The following RPS6KA1 variants were observed in gnomAD, a reference collection of about 807,000 sequenced individuals.
The protein encoded by RPS6KA1 is ribosomal protein S6 kinase A1.
A neutral mutation model predicts 91.3 loss-of-function variants in RPS6KA1; 48 were observed. The observed-to-expected ratio is 0.53, with a 90% CI of 0.42 to 0.67. The LOEUF (loss-of-function observed/expected upper bound fraction) is 0.67, where lower values mean the gene tolerates loss of function less well. RPS6KA1 is among the 30% of genes least tolerant of loss of function. The pLI, the probability that RPS6KA1 is intolerant of heterozygous loss-of-function variation, is 0.00. For synonymous variants in RPS6KA1, 359 were observed against 384.7 expected, an observed-to-expected ratio of 0.93 and a Z score of 0.78; for missense variants, 719 against 960.5, an observed-to-expected ratio of 0.75 and a Z score of 3.32.
chr1:26,566,441 C>T (rs2124665221), intron 17 of RPS6KA1, among the ~76,000 whole-genome samples: 1 of 151,996 alleles, frequency 6.6e-6, no homozygotes, highest in South Asian at 2.1e-4. Flanking sequence ...GTACCCACCA[C>T]ACCCAGCTAA....
In RPS6KA1 at chr1:26,551,856, C is replaced by T; in HGVS notation, c.468+133C>T. ...AACCACCCAGGCCTGCCTAGCAGCC[C>T]CTGGCCCAGGAAATACCACGCACCC... On this transcript the variant is annotated intron_variant, in intron 6 of 21. Coordinates refer to ENST00000374168, the MANE Select transcript of RPS6KA1 (RefSeq NM_002953.4). This position sits in a 1 kb window ranked among gnomAD's most constrained non-coding sequence, Gnocchi z 4.5. The T allele has an allele frequency of 2.6e-6, 2 of 756,320 alleles. No homozygotes were observed. The highest frequency in any genetic ancestry group is 4.5e-6 in the Non-Finnish European group (2 of 440,894). The allele number at this position is 756,320 out of a possible 1,614,324, so 46.9% of individuals were successfully genotyped here.
chr1:26,536,400 G>A (rs574788293), intron 1 of RPS6KA1, among the ~76,000 whole-genome samples: 1 of 152,182 alleles, frequency 6.6e-6, no homozygotes, highest in Non-Finnish European at 1.5e-5. Flanking sequence ...TCAGGGGAGG[G>A]GTCCCAGAGT....
Position 26,561,173 on chromosome 1 carries a change from A to G in RPS6KA1, c.1431+39A>G, listed in dbSNP as rs1353838550. 1.3e-6 allele frequency: 2 copies of G among 1,536,430 alleles called. No individual in the cohort carries two copies. The highest frequency in any genetic ancestry group is 1.7e-5 in the Admixed American group (1 of 59,690). On this transcript the variant is annotated intron_variant, in intron 16 of 21. Transcript: ENST00000374168. The surrounding 1 kb of genome is among the most constrained non-coding windows in gnomAD (Gnocchi z 5.7). Reference sequence around the variant, plus strand: ...CTTAAGACTGGGGTGGGGACCAGGAACTCAACTCTCAGGATTTGTCTCAGG... The same window carrying G: ...CTTAAGACTGGGGTGGGGACCAGGAGCTCAACTCTCAGGATTTGTCTCAGG...
rs1557517303 is a variant in RPS6KA1 at position 26,571,603 on chromosome 1, CG to C, written c.1746del (p.Pro583LeufsTer4). On this transcript the variant is annotated frameshift_variant, in exon 18 of 22. Coordinates refer to ENST00000374168, the MANE Select transcript of RPS6KA1 (RefSeq NM_002953.4). LOFTEE classifies it high-confidence loss of function. The surrounding 1 kb of genome is among the most constrained non-coding windows in gnomAD (Gnocchi z 5.1). ...MTPCYTANFV[A>X]PEVLKRQGYD... is the part of the protein sequence containing the mutation. ...CCTTGCTACACAGCCAACTTTGTGG[CG>C]CCTGAGGTGAGTGGCCCAGCCTCCT... 6.2e-6 allele frequency: 10 copies of C among 1,613,938 alleles called. No homozygotes were observed. The highest frequency in any genetic ancestry group is 8.5e-6 in the Non-Finnish European group (10 of 1,179,938).
chr1:26,566,813 T>G (rs183268991), intron 17 of RPS6KA1, among the ~76,000 whole-genome samples: 61 of 152,266 alleles, frequency 4.0e-4, no homozygotes, highest in Admixed American at 1.7e-3. Context: ...TTCTATAAGG[T>G]TATGGACTCT....
rs574836970 is a variant in RPS6KA1 at position 26,536,927 on chromosome 1, T to C, written c.66T>C (p.Asn22=). ...LMELVPLDPE[N]GQTSGEEAGL... ...CCAATCTCCTTTCTCTTTTCCAGAA[T>C]GGACAGACCTCAGGGGAAGAAGCTG... The change falls in exon 2 of 22, where the codon AAT becomes AAC. Residue 22 remains asparagine, a splice_region_variant and synonymous_variant. Transcript: ENST00000374168. 29 of 1,614,116 alleles carry C rather than the reference T, an allele frequency of 1.8e-5. No individual in the cohort carries two copies. The East Asian group carries it at 2.7e-4, about 15-fold the overall frequency.
chr1:26,545,972 G>T, intron 2 of RPS6KA1: 1 of 1,607,616 alleles, frequency 6.2e-7, no homozygotes. Flanking sequence ...GGAAGCAGCG[G>T]CCCAGGATCA....
In RPS6KA1 at chr1:26,558,643, T is replaced by C. The variant is rs775282867; in HGVS notation, c.1085-164T>C. 6.6e-6 allele frequency among the ~76,000 whole-genome samples: 1 copy of C among 152,198 alleles called. No homozygotes were observed. The highest frequency in any genetic ancestry group is 6.5e-5 in the Admixed American group (1 of 15,280). ...ACTGGGCTGGTCTAATAAACACATA[T>C]GAGCAGTTGGGCCAAGGCCTGTGAT... On this transcript the variant is annotated intron_variant, in intron 13 of 21. Transcript: ENST00000374168. This position sits in a 1 kb window ranked among gnomAD's most constrained non-coding sequence, Gnocchi z 4.0.
rs1043637661 is a variant in RPS6KA1 at position 26,554,870 on chromosome 1, A to G, written c.756+132A>G. The G allele has an allele frequency of 1.3e-5, 16 of 1,232,092 alleles. No individual in the cohort carries two copies. The highest frequency in any genetic ancestry group is 7.6e-5 in the African/African-American group (5 of 66,002). 76.3% of individuals were successfully genotyped at this position (1,232,092 alleles called of 1,614,324 possible). On this transcript the variant is annotated intron_variant, in intron 9 of 21. Transcript: ENST00000374168. This position sits in a 1 kb window ranked among gnomAD's most constrained non-coding sequence, Gnocchi z 4.6. ...CTCACAGCCAAGCTGGCCTCACCCT[A>G]TATGCACCTGCAGTTTTCTTCCTTG... is the stretch of plus-strand genomic sequence containing the variant.
At position 26,564,504 on chromosome 1, in the gene RPS6KA1, C is replaced by T. The variant is rs907359906; in HGVS notation, c.1590+2841C>T. The stretch of plus-strand genomic sequence containing the variant: ...CGATCACCTGACCTTGTGATCTGCC[C>T]GCCTCGGCCTCCCAAAGAGCTGAGA... On this transcript the variant is annotated intron_variant, in intron 17 of 21. Transcript: ENST00000374168. Among the ~76,000 whole-genome samples the T allele has an allele frequency of 7.2e-5, 11 of 152,246 alleles. No homozygotes were observed. In the East Asian group the frequency reaches 9.6e-4, roughly 13 times the overall value.
At chr1:26,533,617 A>G (rs1168322582) in intron 1 of RPS6KA1, among the ~76,000 whole-genome samples, 2 of 152,186 alleles carry the variant, frequency 1.3e-5, no homozygotes, top group African/African-American at 2.4e-5. Context: ...AGGCAGAAGA[A>G]TTGCTTGAAC....
At chr1:26,531,064 C>T (rs923003199) in intron 1 of RPS6KA1, among the ~76,000 whole-genome samples, 2 of 152,108 alleles carry the variant, frequency 1.3e-5, no homozygotes, top group Non-Finnish European at 2.9e-5. Context: ...CACCAAGTGT[C>T]CTGCCTCTCA....
rs754520084 is a variant in RPS6KA1, at chr1:26,571,633, C to G, written c.1752+23C>G. On this transcript the variant is annotated intron_variant, in intron 18 of 21. Coordinates refer to ENST00000374168, the MANE Select transcript of RPS6KA1 (RefSeq NM_002953.4). This position sits in a 1 kb window ranked among gnomAD's most constrained non-coding sequence, Gnocchi z 5.1. ...GAGGTGAGTGGCCCAGCCTCCTCAG[C>G]TGTAAGAGTGAGGGGGAATTGGAGG... 2 of 1,611,210 alleles carry G rather than the reference C, an allele frequency of 1.2e-6. No individual in the cohort carries two copies. Among genetic ancestry groups the G allele is most frequent in the African/African-American group, 2.7e-5 (2 of 74,856 alleles).
chr1:26,536,840 C>G, intron 1 of RPS6KA1, 85 bp from the exon 2 acceptor site: 1 of 1,518,782 alleles, frequency 6.6e-7, no homozygotes, highest in Non-Finnish European at 9.1e-7. Context: ...TTGGGAGCAC[C>G]TAAGGGTGGG....
At chr1:26,531,998 G>T (rs1025455396) in intron 1 of RPS6KA1, among the ~76,000 whole-genome samples, 2 of 152,168 alleles carry the variant, frequency 1.3e-5, no homozygotes, top group African/African-American at 2.4e-5. Flanking sequence ...TGACCTGCAC[G>T]TACAGGCACC....
At chr1:26,564,560 G>A (rs1255276632) in intron 17 of RPS6KA1, among the ~76,000 whole-genome samples, 2 of 152,094 alleles carry the variant, frequency 1.3e-5, no homozygotes, top group African/African-American at 2.4e-5. Flanking sequence ...GCCCGGCCAC[G>A]CTGCCCACCT....
At chr1:26,541,162 C>G (rs1302531285) in intron 2 of RPS6KA1, among the ~76,000 whole-genome samples, 1 of 151,426 alleles carries the variant, frequency 6.6e-6, no homozygotes, top group African/African-American at 2.4e-5. Context: ...ACTCCATAGG[C>G]TGAGGTGGGA....
At chr1:26,539,134 G>A (rs1419884293) in intron 2 of RPS6KA1, among the ~76,000 whole-genome samples, 1 of 152,222 alleles carries the variant, frequency 6.6e-6, no homozygotes. Context: ...TCTGTGCTAG[G>A]CCCATGTTGG....
chr1:26,551,687 G>A lies in RPS6KA1; in HGVS notation c.432G>A (p.Leu144=), dbSNP rs765796901. The A allele has an allele frequency of 2.5e-5, 40 of 1,614,064 alleles. No individual in the cohort carries two copies. The highest frequency in any genetic ancestry group is 8.3e-5 in the Admixed American group (5 of 60,002). Reference sequence around the variant, plus strand: ...AGCTCTATCTCATTCTGGACTTCCTGCGTGGTGGGGACCTCTTCACCCGGC... The same window carrying A: ...AGCTCTATCTCATTCTGGACTTCCTACGTGGTGGGGACCTCTTCACCCGGC... ...EGKLYLILDF[L]RGGDLFTRLS... is the part of the protein sequence containing the mutation. Residue 144 remains leucine (L), a synonymous_variant, in exon 6 of 22, where the codon CTG becomes CTA. Coordinates refer to ENST00000374168, the MANE Select transcript of RPS6KA1 (RefSeq NM_002953.4). This position sits in a 1 kb window ranked among gnomAD's most constrained non-coding sequence, Gnocchi z 4.5.
Sources: allele counts gnomAD v4.1 joint callset (sites outside exome capture counted in the v4.1 genomes callset), GRCh38; gene constraint gnomAD v4.1.1; non-coding constraint Gnocchi (gnomAD v3.1); transcripts MANE v1.5; gene names NCBI Gene and HGNC (gene_info 2026-07-23, HGNC 2026-07-21).